The following KLF12 variants were observed in gnomAD, a reference collection of about 807,000 sequenced individuals.
KLF12 encodes the protein Krueppel-like factor 12.
Under a neutral mutation model 37.8 loss-of-function variants are expected in KLF12, and 9 were observed. The ratio of observed to expected loss-of-function variants is 0.24; its 90% confidence interval spans 0.14 to 0.42. The LOEUF is 0.42. Ranked by LOEUF, KLF12 falls within the 10% of genes least tolerant of loss-of-function variation. The probability of loss-of-function intolerance (pLI) is 1.00; values close to 1 mark genes in which losing one functional copy is unlikely to be tolerated. For synonymous variants in KLF12, 208 were observed against 202.1 expected (o/e 1.03, Z -0.25); for missense variants, 411 against 516.0 (o/e 0.80, Z 1.97).
At chr13:74,054,482 C>A (rs533610109) in intron 1 of KLF12, among the ~76,000 whole-genome samples, 2 of 152,044 alleles carry the variant, frequency 1.3e-5, no homozygotes, top group Admixed American at 1.3e-4. Context: ...GAGAGGCTGG[C>A]AAGGAAGAGC....
intron 1 of KLF12, among the ~76,000 whole-genome samples, chr13:74,036,422 ACACT>A: frequency 6.6e-6 from 1 of 152,310 alleles, no homozygotes; most frequent in African/African-American, 2.4e-5. Context: ...GCCTTGCCTG[ACACT>A]CACCCAGACT....
chr13:74,301,748 G>T, the KLF12 span, among the ~76,000 whole-genome samples: 1 of 152,162 alleles, frequency 6.6e-6, no homozygotes, highest in African/African-American at 2.4e-5. Flanking sequence ...GCAGCAGGGA[G>T]CATCTGTGGA....
chr13:74,227,966 C>T, the KLF12 span, among the ~76,000 whole-genome samples: 3 of 152,018 alleles, frequency 2.0e-5, no homozygotes, highest in Admixed American at 6.6e-5. Context: ...GGACCTTAGA[C>T]GAGCCAAAGA....
intron 5 of KLF12, among the ~76,000 whole-genome samples, chr13:73,768,796 C>G (rs1288167957): frequency 6.6e-6 from 1 of 152,160 alleles, no homozygotes; most frequent in Non-Finnish European, 1.5e-5. Context: ...GATTAGGTAA[C>G]TTGCTGGGGT....
chr13:73,986,524 C>T (rs1188434951), intron 2 of KLF12, among the ~76,000 whole-genome samples: 1 of 152,174 alleles, frequency 6.6e-6, no homozygotes, highest in Non-Finnish European at 1.5e-5. Flanking sequence ...AAACCTGTGG[C>T]TGGCAGAGTA....
intron 2 of KLF12, among the ~76,000 whole-genome samples, chr13:73,954,928 T>C (rs1351316288): frequency 1.3e-5 from 2 of 152,242 alleles, no homozygotes; most frequent in Non-Finnish European, 2.9e-5. Context: ...CTGTACACTT[T>C]CATTATTGCA....
the KLF12 span, among the ~76,000 whole-genome samples, chr13:74,295,129 C>T: frequency 2.0e-5 from 3 of 152,190 alleles, no homozygotes; most frequent in Non-Finnish European, 2.9e-5. Flanking sequence ...TACTGCTTAT[C>T]TGGTAGTGTT....
intron 6 of KLF12, among the ~76,000 whole-genome samples, chr13:73,718,855 C>A (rs1472718067): frequency 6.6e-6 from 1 of 152,156 alleles, no homozygotes; most frequent in Non-Finnish European, 1.5e-5. Context: ...GATCATGCCA[C>A]TGCACTCCAA....
At chr13:74,304,183 G>A in the KLF12 span, among the ~76,000 whole-genome samples, 3 of 152,174 alleles carry the variant, frequency 2.0e-5, no homozygotes, top group East Asian at 3.9e-4. Context: ...CCTTGACCAA[G>A]GGCCCACATC....
At chr13:73,968,970 T>C (rs986210935) in intron 2 of KLF12, among the ~76,000 whole-genome samples, 1 of 151,098 alleles carries the variant, frequency 6.6e-6, no homozygotes, top group African/African-American at 2.4e-5. Flanking sequence ...TCCCATAAAG[T>C]GTCTAAGAAA....
intron 2 of KLF12, among the ~76,000 whole-genome samples, chr13:73,982,247 T>TA (rs1891706141): frequency 1.3e-5 from 2 of 152,200 alleles, no homozygotes; most frequent in Admixed American, 1.3e-4. Flanking sequence ...AATAGAAACT[T>TA]AATTTGCAAT....
upstream of KLF12, among the ~76,000 whole-genome samples, chr13:74,136,544 G>C (rs1878560552): frequency 6.6e-6 from 1 of 152,208 alleles, no homozygotes; most frequent in Non-Finnish European, 1.5e-5. Flanking sequence ...GGCAGTTCTT[G>C]TACTAACAGC....
chr13:73,921,027 G>A (rs1889088221), intron 3 of KLF12, among the ~76,000 whole-genome samples: 1 of 152,038 alleles, frequency 6.6e-6, no homozygotes, highest in African/African-American at 2.4e-5. Flanking sequence ...GATAGGAAAG[G>A]AGAGAGAGCA....
At chr13:73,709,586 C>T (rs1184008097) in intron 7 of KLF12, among the ~76,000 whole-genome samples, 1 of 152,166 alleles carries the variant, frequency 6.6e-6, no homozygotes, top group Non-Finnish European at 1.5e-5. Flanking sequence ...GAACTAGTTA[C>T]AGAAAAATCA....
chr13:74,198,537 C>A, the KLF12 span, among the ~76,000 whole-genome samples: 181 of 152,264 alleles, frequency 1.2e-3, 2 homozygotes, highest in Middle Eastern at 0.017. Flanking sequence ...AAATAAGAAT[C>A]TGGAAACTTT....
chr13:74,197,773 A>G, the KLF12 span, among the ~76,000 whole-genome samples: 2 of 152,180 alleles, frequency 1.3e-5, no homozygotes, highest in African/African-American at 4.8e-5. Context: ...ATGTGCACGC[A>G]ATAAGCATTT....
At chr13:74,177,084 C>G in the KLF12 span, among the ~76,000 whole-genome samples, 2 of 152,284 alleles carry the variant, frequency 1.3e-5, no homozygotes, top group Admixed American at 6.5e-5. Context: ...TAATGGTCAG[C>G]TACCGGAAAC....
At chr13:74,275,878 C>CTTTCT in the KLF12 span, among the ~76,000 whole-genome samples, 20 of 52,942 alleles carry the variant, frequency 3.8e-4, no homozygotes, top group Non-Finnish European at 4.2e-4. Flanking sequence ...ATCTTTCTTT[C>CTTTCT]TTCTTTCTTT....
At chr13:73,750,946 T>A (rs1878711027) in intron 6 of KLF12, among the ~76,000 whole-genome samples, 1 of 152,180 alleles carries the variant, frequency 6.6e-6, no homozygotes, top group Non-Finnish European at 1.5e-5. Context: ...AAGGGCCTCA[T>A]ACGTAGTGTT....
Sources: gnomAD v4.1 joint callset for allele counts (sites outside exome capture counted in the v4.1 genomes callset) on GRCh38, gnomAD v4.1.1 for gene constraint, MANE v1.5 for transcripts, NCBI Gene and HGNC (gene_info 2026-07-23, HGNC 2026-07-21) for gene names.